Variants in JAKMIP1 observed in about 807,000 individuals in gnomAD.
JAKMIP1 encodes janus kinase and microtubule interacting protein 1, also known as janus kinase and microtubule-interacting protein 1.
A neutral mutation model predicts 113.0 loss-of-function variants in JAKMIP1; 33 were observed. The observed-to-expected ratio is 0.29, with a 90% confidence interval of 0.22 to 0.39. The LOEUF (loss-of-function observed/expected upper bound fraction) is 0.39. JAKMIP1 is among the 10% of genes least tolerant of loss of function. JAKMIP1 has a pLI of 1.00. For synonymous variants in JAKMIP1, 480 were observed against 459.9 expected, an observed-to-expected ratio of 1.04 and a Z score of -0.56; for missense variants, 813 against 1,080.5, an observed-to-expected ratio of 0.75 and a Z score of 3.47.
intron 1 of JAKMIP1, among the ~76,000 whole-genome samples, chr4:6,148,024 G>A (rs763590582): frequency 3.3e-5 from 5 of 152,242 alleles, no homozygotes; most frequent in African/African-American, 7.2e-5. Flanking sequence ...AGCAAGGACC[G>A]TGTCTTAGTC....
chr4:6,058,172 G>C (rs1048498674), intron 11 of JAKMIP1, among the ~76,000 whole-genome samples: 1 of 152,242 alleles, frequency 6.6e-6, no homozygotes, highest in Non-Finnish European at 1.5e-5. Flanking sequence ...GGCAGAGCAG[G>C]CCACACAGAG....
chr4:6,149,983 G>A (rs1220565268), intron 1 of JAKMIP1, among the ~76,000 whole-genome samples: 3 of 152,028 alleles, frequency 2.0e-5, no homozygotes, highest in African/African-American at 4.8e-5. Context: ...TACCAGGAAC[G>A]TCACCCGCCA....
intron 1 of JAKMIP1, among the ~76,000 whole-genome samples, chr4:6,121,105 C>A (rs923741693): frequency 1.3e-5 from 2 of 149,352 alleles, no homozygotes; most frequent in Admixed American, 1.4e-4. Context: ...GAGGCTGAGG[C>A]AGGAGAATCA....
intron 1 of JAKMIP1, among the ~76,000 whole-genome samples, chr4:6,189,122 G>C (rs1726956524): frequency 6.6e-6 from 1 of 152,214 alleles, no homozygotes; most frequent in African/African-American, 2.4e-5. Context: ...GGAGGGTATG[G>C]CTTGGGAGAA....
In JAKMIP1 at chr4:6,112,702, G is replaced by A; in HGVS notation, c.129+20C>T. On this transcript the variant is annotated intron_variant, in intron 2 of 20. Transcript: ENST00000409021. ...GGACATTTGCAGCCCAGCCGCTGCT[G>A]AGCTGACGCCAACCCCCACCTTGCT... The A allele has an allele frequency of 6.2e-7, 1 of 1,611,806 alleles. No individual in the cohort carries two copies. Among genetic ancestry groups the A allele is most frequent in the Non-Finnish European group, 8.5e-7 (1 of 1,179,230 alleles).
intron 12 of JAKMIP1, among the ~76,000 whole-genome samples, 173 bp downstream of exon 12, chr4:6,056,524 G>A (rs1716491872): frequency 6.6e-6 from 1 of 152,244 alleles, no homozygotes; most frequent in South Asian, 2.1e-4. Flanking sequence ...CCACAGATGT[G>A]GCTTTGATTC....
chr4:6,122,507 G>C (rs956248707), intron 1 of JAKMIP1, among the ~76,000 whole-genome samples: 3 of 152,188 alleles, frequency 2.0e-5, no homozygotes, highest in East Asian at 1.9e-4. Flanking sequence ...AATCACAAAA[G>C]ATTCTTGTCT....
At chr4:6,026,609 G>A (rs1212617007) in intron 20 of JAKMIP1, among the ~76,000 whole-genome samples, 1 of 151,996 alleles carries the variant, frequency 6.6e-6, no homozygotes, top group East Asian at 1.9e-4. Flanking sequence ...TGGGCAGGCC[G>A]GTATAAATAG....
rs762564990 is a variant in JAKMIP1, at chr4:6,197,698, A to T, written c.-148+2555T>A. Among the ~76,000 whole-genome samples the T allele has an allele frequency of 6.6e-6, 1 of 152,210 alleles. No homozygotes were observed. The highest frequency in any genetic ancestry group is 2.4e-5 in the African/African-American group (1 of 41,448). On this transcript the variant is annotated intron_variant, in intron 1 of 20. Transcript: ENST00000409021. The surrounding 1 kb of genome is among the most constrained non-coding windows in gnomAD (Gnocchi z 6.5). The stretch of plus-strand genomic sequence containing the variant: ...CCCCAAGGGAAGCCCCCATTTAGTT[A>T]GAAAGCCCAGCAGGGAGGCACTTGC...
Position 6,137,372 on chromosome 4 carries a change from C to T in JAKMIP1, c.-147-24375G>A, listed in dbSNP as rs191872484. ...GATCAGCTTTAGACGGCACTGTTCCCGTACCTTCGCTGGGAGTCAGGAAAT... is the reference window on the plus strand; with the variant it reads ...GATCAGCTTTAGACGGCACTGTTCCTGTACCTTCGCTGGGAGTCAGGAAAT... On this transcript the variant is annotated intron_variant, in intron 1 of 20. Transcript: ENST00000409021. The surrounding 1 kb of genome is among the most constrained non-coding windows in gnomAD (Gnocchi z 4.5). 5.3e-5 allele frequency among the ~76,000 whole-genome samples: 8 copies of T among 152,318 alleles called. No individual in the cohort carries two copies. Among genetic ancestry groups the T allele is most frequent in the African/African-American group, 1.4e-4 (6 of 41,572 alleles).
chr4:6,078,931 A>G lies in JAKMIP1; in HGVS notation c.1302+8T>C. ...CAAGGTAGGGCAGGTGCACCATCGC[A>G]GGCTCACCTTGGGCGGTTTCAGACT... On this transcript the variant is annotated splice_region_variant and intron_variant, in intron 8 of 20. Coordinates refer to ENST00000409021, the MANE Select transcript of JAKMIP1 (RefSeq NM_001099433.2). The G allele has an allele frequency of 6.2e-7, 1 of 1,613,920 alleles. No homozygotes were observed.
At chr4:6,077,268 G>A (rs757408155) in intron 8 of JAKMIP1, among the ~76,000 whole-genome samples, 5 of 152,098 alleles carry the variant, frequency 3.3e-5, no homozygotes, top group Non-Finnish European at 7.4e-5. Flanking sequence ...TGAAGCCACA[G>A]AGACACACAG....
In JAKMIP1 at chr4:6,199,945, T is replaced by C. The variant is rs1243169942; in HGVS notation, c.-148+308A>G. Among the ~76,000 whole-genome samples the C allele has an allele frequency of 2.0e-5, 1 of 50,184 alleles. No individual in the cohort carries two copies. Among genetic ancestry groups the C allele is most frequent in the Non-Finnish European group, 4.2e-5 (1 of 23,934 alleles). The allele number at this position is 50,184 out of a possible 152,430, so 32.9% of individuals were successfully genotyped here. On this transcript the variant is annotated intron_variant, in intron 1 of 20. Transcript: ENST00000409021. The surrounding 1 kb of genome is among the most constrained non-coding windows in gnomAD (Gnocchi z 5.6). ...AAATAGGGGTGGCGTGAAGGAGAGCTGGGGGCTGGGGGCGGGACCGGGAGG... is the reference window on the plus strand; with the variant it reads ...AAATAGGGGTGGCGTGAAGGAGAGCCGGGGGCTGGGGGCGGGACCGGGAGG...
intron 2 of JAKMIP1, among the ~76,000 whole-genome samples, chr4:6,107,643 C>G: frequency 6.6e-6 from 1 of 152,190 alleles, no homozygotes; most frequent in East Asian, 1.9e-4. Flanking sequence ...CAAGATCAAC[C>G]CTTGCCTGAA....
intron 3 of JAKMIP1, among the ~76,000 whole-genome samples, chr4:6,096,062 AC>A (rs1264787593): frequency 6.6e-6 from 1 of 152,168 alleles, no homozygotes; most frequent in Non-Finnish European, 1.5e-5. Context: ...GTGAGAAAGA[AC>A]CAGCGGTGCA....
In JAKMIP1 at chr4:6,080,102, C is replaced by A; in HGVS notation, c.1242+70G>T. 1 of 1,499,632 alleles carries A rather than the reference C, an allele frequency of 6.7e-7. No individual in the cohort carries two copies. Among genetic ancestry groups the A allele is most frequent in the Non-Finnish European group, 9.0e-7 (1 of 1,116,522 alleles). 92.9% of individuals were successfully genotyped at this position (1,499,632 alleles called of 1,614,324 possible). On this transcript the variant is annotated intron_variant, in intron 7 of 20. Coordinates refer to ENST00000409021, the MANE Select transcript of JAKMIP1 (RefSeq NM_001099433.2). The surrounding 1 kb of genome is among the most constrained non-coding windows in gnomAD (Gnocchi z 6.0). Reference sequence around the variant, plus strand: ...CAGCATCACCCTGAGCCCCAACACCCGTTCCTGACACCCATGTCAGCTGGT... The same window carrying A: ...CAGCATCACCCTGAGCCCCAACACCAGTTCCTGACACCCATGTCAGCTGGT...
In JAKMIP1 at chr4:6,137,658, C is replaced by A. The variant is rs745616663; in HGVS notation, c.-147-24661G>T. Among the ~76,000 whole-genome samples, 3 of 152,310 alleles carry A rather than the reference C, an allele frequency of 2.0e-5. No individual in the cohort carries two copies. The East Asian group carries it at 5.8e-4, about 29-fold the overall frequency. ...GGACCAAATGAGCTATCCTGAAATG[C>A]GGAGGCTAAAGAGCCACAAACCATA... On this transcript the variant is annotated intron_variant, in intron 1 of 20. Coordinates refer to ENST00000409021, the MANE Select transcript of JAKMIP1 (RefSeq NM_001099433.2). This position sits in a 1 kb window ranked among gnomAD's most constrained non-coding sequence, Gnocchi z 4.5.
intron 17 of JAKMIP1, among the ~76,000 whole-genome samples, chr4:6,041,043 C>T (rs1714243756): frequency 1.3e-5 from 2 of 152,132 alleles, no homozygotes; most frequent in South Asian, 4.1e-4. Context: ...GTTCCTCCTG[C>T]TACATCCTAG....
At chr4:6,083,502 T>C (rs1051609125) in intron 5 of JAKMIP1, among the ~76,000 whole-genome samples, 1 of 151,972 alleles carries the variant, frequency 6.6e-6, no homozygotes, top group Non-Finnish European at 1.5e-5. Flanking sequence ...CTGTGTTTTT[T>C]CCTAATCCAC....
Sources: allele counts gnomAD v4.1 joint callset (sites outside exome capture counted in the v4.1 genomes callset), GRCh38; gene constraint gnomAD v4.1.1; non-coding constraint Gnocchi (gnomAD v3.1); transcripts MANE v1.5; gene names NCBI Gene and HGNC (gene_info 2026-07-23, HGNC 2026-07-21).